Variants in IGF2BP3 observed in about 807,000 individuals in gnomAD.
IGF2BP3 encodes the protein insulin-like growth factor 2 mRNA-binding protein 3.
A neutral mutation model predicts 73.8 loss-of-function variants in IGF2BP3; 9 were observed. The ratio of observed to expected loss-of-function variants is 0.12; its 90% CI spans 0.07 to 0.21. IGF2BP3 has a LOEUF of 0.21. Ranked by LOEUF, IGF2BP3 falls within the 10% of genes least tolerant of loss-of-function variation. The pLI, the probability that IGF2BP3 is intolerant of heterozygous loss-of-function variation, is 1.00. For synonymous variants in IGF2BP3, 258 were observed against 256.7 expected, an observed-to-expected ratio of 1.01 and a Z score of -0.05; for missense variants, 542 against 714.0, an observed-to-expected ratio of 0.76 and a Z score of 2.75.
At chr7:23,344,829 ACTATTTCT>A (rs1434117263) in intron 8 of IGF2BP3, among the ~76,000 whole-genome samples, 2 of 152,218 alleles carry the variant, frequency 1.3e-5, no homozygotes, top group Non-Finnish European at 2.9e-5. Context: ...TATAATGAAG[ACTATTTCT>A]CTTAGACTAC....
At chr7:23,457,225 G>A (rs1788343303) in intron 2 of IGF2BP3, among the ~76,000 whole-genome samples, 1 of 152,158 alleles carries the variant, frequency 6.6e-6, no homozygotes, top group Admixed American at 6.6e-5. Flanking sequence ...CACTTTGGGA[G>A]GCTAAGGCAG....
In IGF2BP3 at chr7:23,405,835, A is replaced by C. The variant is rs181459505; in HGVS notation, c.285+12941T>G. ...CAACCAGGGCTGTATGGATTTCCTG[A>C]GAACAAACAAGTCCATCTTGGTGAA... On this transcript the variant is annotated intron_variant, in intron 3 of 14. Transcript: ENST00000258729. 1.9e-4 allele frequency among the ~76,000 whole-genome samples: 29 copies of C among 152,318 alleles called. No individual in the cohort carries two copies. The East Asian group carries it at 5.4e-3, about 28-fold the overall frequency.
At chr7:23,446,860 G>C (rs1290577326) in intron 2 of IGF2BP3, among the ~76,000 whole-genome samples, 1 of 152,132 alleles carries the variant, frequency 6.6e-6, no homozygotes, top group Non-Finnish European at 1.5e-5. Flanking sequence ...TGTGCCTCTA[G>C]ATGAGGTGCA....
intron 3 of IGF2BP3, among the ~76,000 whole-genome samples, chr7:23,412,877 T>TTTTTTTTA (rs1787071514): frequency 9.5e-6 from 1 of 105,124 alleles, no homozygotes. Flanking sequence ...TTTTTTTTTT[T>TTTTTTTTA]GAGACAGAGT....
intron 10 of IGF2BP3, among the ~76,000 whole-genome samples, chr7:23,326,080 C>T (rs1347276347): frequency 1.3e-5 from 2 of 152,054 alleles, no homozygotes; most frequent in African/African-American, 2.4e-5. Flanking sequence ...TCTAATTAAA[C>T]TAAAGAGCTT....
chr7:23,460,197 C>CAAAAAAAA (rs61675193), intron 2 of IGF2BP3, among the ~76,000 whole-genome samples: 1 of 113,326 alleles, frequency 8.8e-6, no homozygotes, highest in Non-Finnish European at 1.8e-5. Flanking sequence ...AAAAAAAAAA[C>CAAAAAAAA]AAAAACGAAA....
chr7:23,425,689 A>G (rs1314220945), intron 2 of IGF2BP3, among the ~76,000 whole-genome samples: 1 of 152,234 alleles, frequency 6.6e-6, no homozygotes, highest in Non-Finnish European at 1.5e-5. Context: ...TCCAATAATT[A>G]GAAGATAATT....
At chr7:23,406,685 G>A (rs1786842268) in intron 3 of IGF2BP3, among the ~76,000 whole-genome samples, 1 of 152,124 alleles carries the variant, frequency 6.6e-6, no homozygotes, top group Admixed American at 6.5e-5. Flanking sequence ...GCCACTGCTG[G>A]CTCAGGTGGC....
At chr7:23,321,485 G>C (rs556891896) in intron 10 of IGF2BP3, among the ~76,000 whole-genome samples, 60 of 152,326 alleles carry the variant, frequency 3.9e-4, no homozygotes, top group African/African-American at 1.3e-3. Flanking sequence ...AGGCGGCAGC[G>C]AGGCTGGGGG....
chr7:23,446,093 T>C (rs1319576345), intron 2 of IGF2BP3, among the ~76,000 whole-genome samples: 2 of 152,206 alleles, frequency 1.3e-5, no homozygotes, highest in African/African-American at 2.4e-5. Flanking sequence ...TGCTGAATCA[T>C]TGCCTTCAGA....
At chr7:23,432,812 T>C (rs1787719450) in intron 2 of IGF2BP3, among the ~76,000 whole-genome samples, 1 of 152,192 alleles carries the variant, frequency 6.6e-6, no homozygotes, top group Non-Finnish European at 1.5e-5. Context: ...AGCTAATTTT[T>C]GTATTTTTCA....
chr7:23,417,459 T>C (rs931240283), intron 3 of IGF2BP3, among the ~76,000 whole-genome samples: 2 of 152,036 alleles, frequency 1.3e-5, no homozygotes, highest in East Asian at 1.9e-4. Flanking sequence ...TAAGGGAAAA[T>C]GCAATAAACT....
intron 7 of IGF2BP3, among the ~76,000 whole-genome samples, chr7:23,346,546 C>T (rs536428616): frequency 6.6e-6 from 1 of 151,856 alleles, no homozygotes; most frequent in Non-Finnish European, 1.5e-5. Context: ...ATATATAAAA[C>T]TGTTTAAAAT....
At chr7:23,322,168 T>C (rs1784174349) in intron 10 of IGF2BP3, among the ~76,000 whole-genome samples, 2 of 152,050 alleles carry the variant, frequency 1.3e-5, no homozygotes, top group African/African-American at 4.8e-5. Context: ...AGTTGAAAAC[T>C]TTGAAAAAAG....
chr7:23,328,197 C>G (rs978466238), intron 10 of IGF2BP3, among the ~76,000 whole-genome samples: 6 of 152,058 alleles, frequency 3.9e-5, no homozygotes, highest in African/African-American at 1.4e-4. Flanking sequence ...AGGAAAAATT[C>G]AGTTAATTGT....
chr7:23,413,033 T>C, intron 3 of IGF2BP3, among the ~76,000 whole-genome samples: 1 of 150,826 alleles, frequency 6.6e-6, no homozygotes. Context: ...CTAATTTCTG[T>C]ATTTTTAGTT....
intron 9 of IGF2BP3, 117 bp from the exon 10 acceptor site, chr7:23,342,306 C>T (rs1223511031): frequency 2.6e-6 from 3 of 1,137,368 alleles, no homozygotes; most frequent in Non-Finnish European, 3.9e-6. Context: ...GATTGTATAA[C>T]TCAAAGCAGA....
At chr7:23,438,997 A>G (rs895528592) in intron 2 of IGF2BP3, among the ~76,000 whole-genome samples, 1 of 151,990 alleles carries the variant, frequency 6.6e-6, no homozygotes, top group African/African-American at 2.4e-5. Flanking sequence ...TGTAATCCTA[A>G]CATTTTGGGA....
intron 10 of IGF2BP3, among the ~76,000 whole-genome samples, chr7:23,333,655 T>C (rs1784496480): frequency 6.6e-6 from 1 of 152,192 alleles, no homozygotes; most frequent in Non-Finnish European, 1.5e-5. Flanking sequence ...AGAATCAATG[T>C]GTAGACTTTA....
Sources: allele counts gnomAD v4.1 joint callset (sites outside exome capture counted in the v4.1 genomes callset), GRCh38; gene constraint gnomAD v4.1.1; transcripts MANE v1.5; gene names NCBI Gene and HGNC (gene_info 2026-07-23, HGNC 2026-07-21).